KLF13: variants seen among roughly 807,000 people sequenced by gnomAD.
KLF13 encodes Krueppel-like factor 13.
A neutral mutation model predicts 16.7 loss-of-function variants in KLF13; 8 were observed. The observed-to-expected ratio is 0.48, with a 90% confidence interval of 0.28 to 0.87. The LOEUF is 0.87. Among genes scored for constraint, KLF13 ranks in the 40% least tolerant of loss-of-function variants. KLF13 has a pLI of 0.10. For missense variants in KLF13, 447 were observed against 452.2 expected, an observed-to-expected ratio of 0.99 and a Z score of 0.10; for synonymous variants, 245 against 208.4, an observed-to-expected ratio of 1.18 and a Z score of -1.51.
chr15:31,341,872 A>G (rs1238318302), intron 1 of KLF13, among the ~76,000 whole-genome samples: 1 of 152,088 alleles, frequency 6.6e-6, no homozygotes, highest in Non-Finnish European at 1.5e-5. Context: ...CCTCCTGGAT[A>G]AACCCAGACT....
chr15:31,412,671 T>A (rs942670031), intron 1 of KLF13, among the ~76,000 whole-genome samples: 1 of 121,470 alleles, frequency 8.2e-6, no homozygotes, highest in Non-Finnish European at 1.7e-5. Context: ...AAACTTATCA[T>A]GTTCCACACC....
At chr15:31,395,935 C>T (rs1315002445) in intron 2 of KLF13, among the ~76,000 whole-genome samples, 3 of 152,200 alleles carry the variant, frequency 2.0e-5, no homozygotes, top group Non-Finnish European at 4.4e-5. Context: ...CATCCTCTGC[C>T]TACTGGACAT....
chr15:31,348,133 T>C (rs909857771), intron 1 of KLF13, among the ~76,000 whole-genome samples: 31 of 152,178 alleles, frequency 2.0e-4, no homozygotes, highest in Non-Finnish European at 3.5e-4. Context: ...ACACGCAGGC[T>C]TTGTGGGAAG....
downstream of KLF13, among the ~76,000 whole-genome samples, chr15:31,404,892 A>G (rs2040097647): frequency 1.3e-5 from 2 of 152,212 alleles, no homozygotes; most frequent in African/African-American, 4.8e-5. Flanking sequence ...AGTGGAGCCT[A>G]GGGTCTTCAC....
At chr15:31,328,087 C>T (rs1376234238) in intron 1 of KLF13, among the ~76,000 whole-genome samples, 1 of 139,656 alleles carries the variant, frequency 7.2e-6, no homozygotes, top group Non-Finnish European at 1.6e-5. Flanking sequence ...GGGCTGGGGG[C>T]GGGGACCCCT....
At chr15:31,405,432 A>C (rs544935556), downstream of KLF13, among the ~76,000 whole-genome samples, 41 of 152,350 alleles carry the variant, frequency 2.7e-4, no homozygotes, top group African/African-American at 9.4e-4. Flanking sequence ...TTCACCAGTC[A>C]CCAAATATGC....
At chr15:31,347,836 T>C (rs969159475) in intron 1 of KLF13, among the ~76,000 whole-genome samples, 1 of 152,218 alleles carries the variant, frequency 6.6e-6, no homozygotes, top group African/African-American at 2.4e-5. Context: ...GGGGGCTGCC[T>C]CTGTTGTAGT....
chr15:31,338,164 T>A (rs1353753427), intron 1 of KLF13, among the ~76,000 whole-genome samples: 28 of 152,238 alleles, frequency 1.8e-4, no homozygotes, highest in Non-Finnish European at 2.9e-5. Flanking sequence ...TTAAGTTCAC[T>A]CACTTTAGCC....
chr15:31,356,242 G>C (rs575332606), intron 1 of KLF13, among the ~76,000 whole-genome samples: 1 of 152,250 alleles, frequency 6.6e-6, no homozygotes, highest in South Asian at 2.1e-4. Context: ...TGTGTACTCA[G>C]TGTGTAGCTC....
downstream of KLF13, among the ~76,000 whole-genome samples, chr15:31,405,656 G>T (rs138348147): frequency 1.3e-5 from 2 of 152,300 alleles, no homozygotes; most frequent in Admixed American, 6.5e-5. Context: ...AGGAAGCTGG[G>T]TACCCTCTGG....
chr15:31,388,533 G>A (rs529674754), upstream of KLF13, among the ~76,000 whole-genome samples: 6 of 150,708 alleles, frequency 4.0e-5, no homozygotes, highest in Non-Finnish European at 7.4e-5. Context: ...CAGGAGAATC[G>A]CTTGAACCCA....
At chr15:31,381,546 G>GC (rs1219525309), downstream of KLF13, among the ~76,000 whole-genome samples, 2 of 152,212 alleles carry the variant, frequency 1.3e-5, no homozygotes, top group South Asian at 4.2e-4. Flanking sequence ...TCCAGGATGA[G>GC]CCCCCCATCC....
chr15:31,377,419 G>A lies in KLF13; in HGVS notation c.*5120G>A, dbSNP rs2039666848. 1 of 152,702 alleles carries A rather than the reference G, an allele frequency of 6.5e-6. No homozygotes were observed. Among genetic ancestry groups the A allele is most frequent in the Admixed American group, 6.5e-5 (1 of 15,292 alleles). The allele number at this position is 152,702 out of a possible 1,614,324, so 9.5% of individuals were successfully genotyped here. The stretch of plus-strand genomic sequence containing the variant: ...GTCATTGTCGGGTTTGGGGCTTTCG[G>A]TGGTTCCTTGGTGACTGGGAATTGC... On this transcript the variant is annotated 3_prime_UTR_variant, in exon 2 of 2. Transcript: ENST00000307145.
intron 1 of KLF13, 137 bp downstream of exon 1, chr15:31,327,926 CT>C: frequency 9.7e-7 from 1 of 1,028,002 alleles, no homozygotes; most frequent in Non-Finnish European, 1.2e-6. Flanking sequence ...GCCCCTTCCC[CT>C]GCCGCTCCGA....
chr15:31,356,175 C>G (rs1337323290), intron 1 of KLF13, among the ~76,000 whole-genome samples: 1 of 152,172 alleles, frequency 6.6e-6, no homozygotes, highest in Non-Finnish European at 1.5e-5. Flanking sequence ...GTCTTTCACC[C>G]TCCTCCCTCC....
chr15:31,387,588 C>A (rs368961161), intron 1 of KLF13, among the ~76,000 whole-genome samples: 1 of 152,138 alleles, frequency 6.6e-6, no homozygotes, highest in Non-Finnish European at 1.5e-5. Flanking sequence ...GGAACCAAAC[C>A]CACAATATCT....
Position 31,372,783 on chromosome 15 carries a change from C to CT in KLF13, c.*485dup, listed in dbSNP as rs1009234813. On this transcript the variant is annotated 3_prime_UTR_variant, in exon 2 of 2. Transcript: ENST00000307145. ...CAGGGCAGATTCCTAAGCAGCTGGC[C>CT]TGACCTCTTCCTGCCCAGCCCCCAA... 1.3e-5 allele frequency: 2 copies of CT among 154,178 alleles called. No individual in the cohort carries two copies. The highest frequency in any genetic ancestry group is 4.8e-5 in the African/African-American group (2 of 41,648). 9.6% of individuals were successfully genotyped at this position (154,178 alleles called of 1,614,324 possible).
At chr15:31,327,893 C>G in intron 1 of KLF13, 104 bp downstream of exon 1, 2 of 1,143,140 alleles carry the variant, frequency 1.7e-6, no homozygotes, top group Non-Finnish European at 2.2e-6. Flanking sequence ...GGGGGCCGGG[C>G]GGGCCGGAAC....
intron 1 of KLF13, among the ~76,000 whole-genome samples, chr15:31,427,252 A>T (rs1046825382): frequency 7.9e-5 from 12 of 152,194 alleles, no homozygotes; most frequent in African/African-American, 2.9e-4. Context: ...GCACAGCATC[A>T]CTAGTCATCA....
Sources: gnomAD v4.1 joint callset for allele counts (sites outside exome capture counted in the v4.1 genomes callset) on GRCh38, gnomAD v4.1.1 for gene constraint, MANE v1.5 for transcripts, NCBI Gene and HGNC (gene_info 2026-07-23, HGNC 2026-07-21) for gene names.